The following LRP2 variants were observed in gnomAD, a reference collection of about 807,000 sequenced individuals.
LRP2 encodes low-density lipoprotein receptor-related protein 2.
In LRP2, 172 loss-of-function variants were observed where a neutral mutation model predicts 531.0. The observed-to-expected ratio is 0.32, with a 90% CI of 0.29 to 0.37. LRP2 has a LOEUF of 0.37. LRP2 is among the 10% of genes least tolerant of loss of function. The pLI, the probability that LRP2 is intolerant of heterozygous loss-of-function variation, is 1.00. For missense variants in LRP2, 5,167 were observed against 5,868.3 expected, an observed-to-expected ratio of 0.88 and a Z score of 3.90; for synonymous variants, 1,992 against 2,027.6, an observed-to-expected ratio of 0.98 and a Z score of 0.47.
At chr2:169,173,867 T>C (rs534002131) in intron 56 of LRP2, 52 bp downstream of exon 56, 1 of 1,611,918 alleles carries the variant, frequency 6.2e-7, no homozygotes. Flanking sequence ...CATGGAAGTT[T>C]CCTCGTGTCT....
chr2:169,282,742 T>A, intron 10 of LRP2, 131 bp downstream of exon 10: 2 of 992,388 alleles, frequency 2.0e-6, no homozygotes, highest in Admixed American at 3.5e-5. Flanking sequence ...GTAGGAGCCA[T>A]CCCTGATTTG....
intron 24 of LRP2, among the ~76,000 whole-genome samples, chr2:169,242,197 T>C (rs1325350873): frequency 6.7e-6 from 1 of 148,662 alleles, no homozygotes; most frequent in African/African-American, 2.5e-5. Flanking sequence ...ACTTTTTTGG[T>C]CTAAAACACC....
chr2:169,331,041 C>A (rs892107425), intron 1 of LRP2, among the ~76,000 whole-genome samples: 3 of 152,160 alleles, frequency 2.0e-5, no homozygotes, highest in Admixed American at 2.0e-4. Flanking sequence ...TCCAGGAAGG[C>A]CTGTTTCACC....
chr2:169,274,765 G>T (rs1252043084), intron 14 of LRP2, among the ~76,000 whole-genome samples: 1 of 152,098 alleles, frequency 6.6e-6, no homozygotes, highest in East Asian at 1.9e-4. Context: ...ATACCCCCAA[G>T]CATCTTTGCA....
At chr2:169,242,927 C>G in intron 24 of LRP2, 29 bp downstream of exon 24, 1 of 1,523,900 alleles carries the variant, frequency 6.6e-7, no homozygotes, top group Non-Finnish European at 9.1e-7. Context: ...ACCCCTTTGT[C>G]TGAAACATTC....
chr2:169,357,622 G>A (rs939183249), intron 1 of LRP2, among the ~76,000 whole-genome samples: 18 of 151,736 alleles, frequency 1.2e-4, no homozygotes, highest in Admixed American at 2.0e-4. Context: ...GAGCCCCCAC[G>A]CCCAGCTCAG....
chr2:169,293,325 G>A (rs1574227787), intron 6 of LRP2, among the ~76,000 whole-genome samples: 1 of 152,318 alleles, frequency 6.6e-6, no homozygotes, highest in African/African-American at 2.4e-5. Context: ...CAACAGCATG[G>A]ACATAAAAGC....
intron 36 of LRP2, among the ~76,000 whole-genome samples, chr2:169,212,933 A>G (rs1195915455): frequency 2.0e-5 from 3 of 152,278 alleles, no homozygotes; most frequent in African/African-American, 7.2e-5. Flanking sequence ...TAAAAAAAAA[A>G]GAATATTCTT....
intron 68 of LRP2, 53 bp downstream of exon 68, chr2:169,150,845 A>T: frequency 2.5e-6 from 4 of 1,609,438 alleles, no homozygotes; most frequent in Non-Finnish European, 3.4e-6. Context: ...ATGGAATTTG[A>T]TGAGAATCCA....
intron 43 of LRP2, 151 bp from the exon 44 acceptor site, chr2:169,202,021 A>G (rs1688220267): frequency 1.1e-6 from 1 of 925,182 alleles, no homozygotes; most frequent in Non-Finnish European, 1.6e-6. Context: ...GTGAGATAAC[A>G]CTTTTAATTA....
chr2:169,235,937 G>A lies in LRP2; in HGVS notation c.4823C>T (p.Pro1608Leu). 6.2e-7 allele frequency: 1 copy of A among 1,614,116 alleles called. No homozygotes were observed. Among genetic ancestry groups the A allele is most frequent in the Non-Finnish European group, 8.5e-7 (1 of 1,180,018 alleles). The change falls in exon 29 of 79, where the codon CCC becomes CTC. Residue 1608 changes from proline (P) to leucine (L), a missense_variant. Around this residue, in one of 6 missense-constraint regions of LRP2, gnomAD observed 2,811 missense variants for 3,058.0 expected, o/e 0.92. Transcript: ENST00000649046. ...FWPCGLTIDY[P>L]NRLLYFMDSY... ...GTCCATGAAGTAGAGCAGTCTGTTG[G>A]GGTAGTCAATAGTTAAGCCGCAGGG...
chr2:169,242,012 CCTCAG>C (rs1226334136), intron 24 of LRP2, among the ~76,000 whole-genome samples: 2 of 152,182 alleles, frequency 1.3e-5, no homozygotes, highest in African/African-American at 4.8e-5. Context: ...GACAGTTTAA[CCTCAG>C]CTCATCACAG....
chr2:169,264,921 A>G (rs904909798), intron 16 of LRP2, among the ~76,000 whole-genome samples: 2 of 152,042 alleles, frequency 1.3e-5, no homozygotes, highest in Non-Finnish European at 2.9e-5. Context: ...CACAGTCCTC[A>G]ACACAGAACT....
At chr2:169,277,507 G>A (rs1683587732) in intron 13 of LRP2, among the ~76,000 whole-genome samples, 1 of 152,018 alleles carries the variant, frequency 6.6e-6, no homozygotes, top group Non-Finnish European at 1.5e-5. Flanking sequence ...AGAAATCAAA[G>A]AACAAATGCT....
rs767197474 is a variant in LRP2, at chr2:169,239,505, C to T, written c.4294+22G>A. 8 of 1,613,858 alleles carry T rather than the reference C, an allele frequency of 5.0e-6. No homozygotes were observed. The Admixed American group carries it at 8.3e-5, about 17-fold the overall frequency. Reference sequence around the variant, plus strand: ...GCTCTGGGATGTGCTGATAAACTGGCTCGGGTTAGTTCAGCAATTACCTGT... The same window carrying T: ...GCTCTGGGATGTGCTGATAAACTGGTTCGGGTTAGTTCAGCAATTACCTGT... On this transcript the variant is annotated intron_variant, in intron 26 of 78. Transcript: ENST00000649046.
At chr2:169,145,239 C>A (rs1442562180) in intron 70 of LRP2, among the ~76,000 whole-genome samples, 1 of 152,166 alleles carries the variant, frequency 6.6e-6, no homozygotes, top group Non-Finnish European at 1.5e-5. Context: ...GCACAGGTAA[C>A]CTGAGGAAGC....
At chr2:169,212,326 T>A in intron 36 of LRP2, 119 bp from the exon 37 acceptor site, 2 of 1,247,132 alleles carry the variant, frequency 1.6e-6, no homozygotes, top group Non-Finnish European at 2.3e-6. Context: ...CAACATATAG[T>A]AGCTGAGTTA....
At chr2:169,203,931 G>A (rs1462963026) in intron 42 of LRP2, 51 bp downstream of exon 42, 1 of 1,582,120 alleles carries the variant, frequency 6.3e-7, no homozygotes, top group Non-Finnish European at 8.7e-7. Flanking sequence ...TTACCAATTG[G>A]TATTGTGATC....
chr2:169,239,559 A>G lies in LRP2; in HGVS notation c.4262T>C (p.Leu1421Ser), dbSNP rs1689730001. The change falls in exon 26 of 79, where the codon TTA becomes TCA. Residue 1421 changes from leucine (L) to serine (S), a missense_variant. Coordinates refer to ENST00000649046, the MANE Select transcript of LRP2 (RefSeq NM_004525.3). ...FRCSCDTGYMLESDGRTCKVT... is the reference protein window; with the variant it reads ...FRCSCDTGYMSESDGRTCKVT... ...TTTGCAAGTCCTCCCATCACTTTCT[A>G]ACATGTAGCCTGTATCACACGAGCA... is the stretch of plus-strand genomic sequence containing the variant. The G allele has an allele frequency of 1.9e-6, 3 of 1,614,026 alleles. No homozygotes were observed. The highest frequency in any genetic ancestry group is 1.6e-4 in the Middle Eastern group (1 of 6,062).
Sources: allele counts gnomAD v4.1 joint callset (sites outside exome capture counted in the v4.1 genomes callset), GRCh38; gene constraint gnomAD v4.1.1; regional missense constraint gnomAD v4.1.1; transcripts MANE v1.5; gene names NCBI Gene and HGNC (gene_info 2026-07-23, HGNC 2026-07-21).